Variants in TAFA2 observed in about 807,000 individuals in gnomAD.
TAFA2 encodes chemokine-like protein TAFA-2.
TAFA2 carries 7 observed loss-of-function variants against 18.8 expected under a neutral mutation model. That is an observed-to-expected ratio of 0.37 (90% CI 0.21 to 0.70). The LOEUF (loss-of-function observed/expected upper bound fraction) is 0.70, where lower values mean the gene tolerates loss of function less well. Ranked by LOEUF, TAFA2 falls within the 30% of genes least tolerant of loss-of-function variation. The pLI is 0.53. For missense variants in TAFA2, 122 were observed against 158.1 expected (o/e 0.77, Z 1.23); for synonymous variants, 60 against 54.2 (o/e 1.11, Z -0.47).
chr12:62,142,227 T>C (rs2062245408), intron 1 of TAFA2, among the ~76,000 whole-genome samples: 1 of 152,188 alleles, frequency 6.6e-6, no homozygotes, highest in African/African-American at 2.4e-5. Context: ...AATAACTACC[T>C]GAGCCTGGTG....
chr12:62,005,476 T>C (rs548822830), intron 1 of TAFA2, among the ~76,000 whole-genome samples: 1 of 152,102 alleles, frequency 6.6e-6, no homozygotes, highest in Admixed American at 6.5e-5. Context: ...GAAAATAATT[T>C]AATGTAAAAT....
chr12:62,010,119 C>T (rs1028576016), intron 1 of TAFA2, among the ~76,000 whole-genome samples: 1 of 152,082 alleles, frequency 6.6e-6, no homozygotes. Context: ...CACAAAAACA[C>T]TAATTTGAAA....
At chr12:61,988,968 C>A (rs1412837544) in intron 1 of TAFA2, among the ~76,000 whole-genome samples, 1 of 152,160 alleles carries the variant, frequency 6.6e-6, no homozygotes, top group Non-Finnish European at 1.5e-5. Context: ...TGAGCAAGAG[C>A]AATTTTGTTT....
chr12:61,931,115 C>T (rs699558), intron 1 of TAFA2, among the ~76,000 whole-genome samples: 6,158 of 152,186 alleles, frequency 0.04, 220 homozygotes, highest in African/African-American at 0.1. Context: ...TCAGTTGAAC[C>T]GTAATCATAA....
intron 1 of TAFA2, among the ~76,000 whole-genome samples, chr12:62,112,252 A>C (rs952423067): frequency 8.5e-5 from 13 of 152,148 alleles, no homozygotes; most frequent in African/African-American, 2.9e-4. Context: ...TATGAAGCTT[A>C]GTTTGGCTGG....
chr12:62,207,293 C>T (rs1345431643), intron 1 of TAFA2: 1 of 152,146 alleles, frequency 6.6e-6, no homozygotes, highest in East Asian at 1.9e-4. Context: ...TTTCAATTTA[C>T]AAGATTAGGG....
chr12:61,830,031 C>T (rs920408798), intron 2 of TAFA2, among the ~76,000 whole-genome samples: 18 of 150,522 alleles, frequency 1.2e-4, no homozygotes, highest in Non-Finnish European at 2.1e-4. Context: ...ACAATGTAAA[C>T]TTTGTATAAA....
chr12:61,715,090 T>C (rs7298630), intron 4 of TAFA2, among the ~76,000 whole-genome samples: 2,863 of 152,268 alleles, frequency 0.019, 98 homozygotes, highest in African/African-American at 0.065. Flanking sequence ...TAAATATTAG[T>C]AGGTGGTAGA....
chr12:61,737,119 G>A (rs979376438), intron 4 of TAFA2, among the ~76,000 whole-genome samples: 9 of 151,848 alleles, frequency 5.9e-5, no homozygotes, highest in African/African-American at 2.2e-4. Context: ...TAAAAGAGTT[G>A]TTATAACAAG....
chr12:61,876,104 T>C (rs1874833684), intron 1 of TAFA2, among the ~76,000 whole-genome samples: 1 of 152,198 alleles, frequency 6.6e-6, no homozygotes, highest in Non-Finnish European at 1.5e-5. Flanking sequence ...CTTTCTTTTT[T>C]AATAAGACTT....
chr12:62,140,124 C>T (rs2062227655), intron 1 of TAFA2: 1 of 152,090 alleles, frequency 6.6e-6, no homozygotes, highest in Non-Finnish European at 1.5e-5. Context: ...GAGATTTGTC[C>T]TGGGAAGTTG....
intron 2 of TAFA2, among the ~76,000 whole-genome samples, chr12:61,775,008 A>G (rs1030132073): frequency 1.3e-5 from 2 of 151,854 alleles, no homozygotes; most frequent in South Asian, 2.1e-4. Context: ...AAGGAGCCAA[A>G]CCATTTAGCA....
At chr12:62,009,967 C>A (rs905904598) in intron 1 of TAFA2, among the ~76,000 whole-genome samples, 1 of 152,106 alleles carries the variant, frequency 6.6e-6, no homozygotes, top group African/African-American at 2.4e-5. Context: ...ATAGCTACTC[C>A]CCTGCCAGAA....
At chr12:62,174,376 G>C (rs1054425574) in intron 1 of TAFA2, among the ~76,000 whole-genome samples, 2 of 152,096 alleles carry the variant, frequency 1.3e-5, no homozygotes, top group Non-Finnish European at 2.9e-5. Flanking sequence ...AGGCTGCTGG[G>C]GAACACCAAT....
chr12:62,061,077 G>T (rs1000161017), intron 1 of TAFA2, among the ~76,000 whole-genome samples: 21 of 151,200 alleles, frequency 1.4e-4, no homozygotes, highest in African/African-American at 5.1e-4. Flanking sequence ...ATTTATTATT[G>T]GAGAAAGAAT....
intron 1 of TAFA2, among the ~76,000 whole-genome samples, chr12:61,935,126 C>G (rs1264705923): frequency 1.3e-5 from 2 of 152,164 alleles, no homozygotes; most frequent in Non-Finnish European, 2.9e-5. Flanking sequence ...CTAGGCTTTA[C>G]TAATATATCC....
chr12:61,731,035 C>G lies in TAFA2; in HGVS notation c.385-20618G>C, dbSNP rs138788299. Among the ~76,000 whole-genome samples the G allele has an allele frequency of 3.6e-3, 548 of 152,264 alleles. 1 individual carries two copies. The highest frequency in any genetic ancestry group is 0.012 in the African/African-American group (500 of 41,572). Reference sequence around the variant, plus strand: ...TGTGGCCCTTCCCCAATTCCATTGACTGCCTTCCCCAAGGACCCCTGTGAG... The same window carrying G: ...TGTGGCCCTTCCCCAATTCCATTGAGTGCCTTCCCCAAGGACCCCTGTGAG... On this transcript the variant is annotated intron_variant, in intron 4 of 4. Coordinates refer to ENST00000416284, the MANE Select transcript of TAFA2 (RefSeq NM_178539.5).
chr12:62,133,112 G>T (rs1245439), intron 1 of TAFA2, among the ~76,000 whole-genome samples: 72,547 of 151,622 alleles, frequency 0.48, 17,691 homozygotes, highest in African/African-American at 0.52. Context: ...TTGACACACA[G>T]GCACCCCCAG....
chr12:61,745,474 T>C (rs1217133485), intron 4 of TAFA2, among the ~76,000 whole-genome samples: 1 of 152,054 alleles, frequency 6.6e-6, no homozygotes. Context: ...CATTTAGCCA[T>C]GTAGCTCATG....
Sources: gnomAD v4.1 joint callset for allele counts (sites outside exome capture counted in the v4.1 genomes callset) on GRCh38, gnomAD v4.1.1 for gene constraint, MANE v1.5 for transcripts, NCBI Gene and HGNC (gene_info 2026-07-23, HGNC 2026-07-21) for gene names.